The following FAM78B variants were observed in gnomAD, a reference collection of about 807,000 sequenced individuals.
FAM78B encodes family with sequence similarity 78 member B.
FAM78B carries 10 observed loss-of-function variants against 20.0 expected under a neutral mutation model. That is an observed-to-expected ratio of 0.50 (90% confidence interval 0.31 to 0.85). The LOEUF is 0.85. Ranked by LOEUF, FAM78B falls within the 40% of genes least tolerant of loss-of-function variation. FAM78B has a pLI of 0.05. For missense variants in FAM78B, 283 were observed against 345.0 expected (o/e 0.82, Z 1.42); for synonymous variants, 135 against 132.8 (o/e 1.02, Z -0.12).
At chr1:166,148,886 T>C (rs1336797911) in intron 1 of FAM78B, among the ~76,000 whole-genome samples, 18 of 152,250 alleles carry the variant, frequency 1.2e-4, no homozygotes, top group Admixed American at 6.5e-5. Flanking sequence ...TGAGTGAGAA[T>C]ATGCGGTGTT....
At chr1:166,144,598 C>T (rs868187414) in intron 1 of FAM78B, among the ~76,000 whole-genome samples, 1 of 151,920 alleles carries the variant, frequency 6.6e-6, no homozygotes, top group Non-Finnish European at 1.5e-5. Context: ...ACAGGGTGGG[C>T]GGAAAGGGGG....
At chr1:166,127,110 C>T (rs1185127540) in intron 1 of FAM78B, among the ~76,000 whole-genome samples, 1 of 152,238 alleles carries the variant, frequency 6.6e-6, no homozygotes, top group African/African-American at 2.4e-5. Flanking sequence ...TTCTGAATGT[C>T]AGTATCCTCA....
At chr1:166,101,166 G>A (rs1402873150) in intron 1 of FAM78B, among the ~76,000 whole-genome samples, 1 of 152,120 alleles carries the variant, frequency 6.6e-6, no homozygotes. Flanking sequence ...AAACAGAAAG[G>A]ACATCCACAC....
At chr1:166,149,245 T>TAAAC (rs66539851) in intron 1 of FAM78B, among the ~76,000 whole-genome samples, 8 of 151,650 alleles carry the variant, frequency 5.3e-5, no homozygotes, top group African/African-American at 1.7e-4. Context: ...AAAGTATAAT[T>TAAAC]AAACAAACAA....
chr1:166,165,075 T>C (rs915245157), intron 1 of FAM78B: 10 of 152,108 alleles, frequency 6.6e-5, no homozygotes, highest in African/African-American at 2.4e-4. Context: ...GCCGCGGCGA[T>C]CCTTGGTCTT....
At chr1:166,109,838 A>ATATATATATATATATG (rs1469856162) in intron 1 of FAM78B, among the ~76,000 whole-genome samples, 1 of 21,184 alleles carries the variant, frequency 4.7e-5, no homozygotes, top group Non-Finnish European at 9.2e-5. Context: ...ATATGTATAT[A>ATATATATATATATATG]TGTATATATA....
chr1:166,085,804 G>GGTCTGGAAACCAGGAAATCCAAA (rs769023228), intron 1 of FAM78B, among the ~76,000 whole-genome samples: 4 of 152,164 alleles, frequency 2.6e-5, no homozygotes, highest in South Asian at 2.1e-4. Flanking sequence ...TGGCCTCAGT[G>GGTCTGGAAACCAGGAAATCCAAA]GTCTGGAAAC....
chr1:166,160,673 T>C (rs867765398), intron 1 of FAM78B, among the ~76,000 whole-genome samples: 2 of 152,246 alleles, frequency 1.3e-5, no homozygotes, highest in African/African-American at 4.8e-5. Flanking sequence ...GAGACATTAT[T>C]TGTTGAAGAG....
chr1:166,158,190 T>TGG (rs1366300053), intron 1 of FAM78B, among the ~76,000 whole-genome samples: 1 of 152,078 alleles, frequency 6.6e-6, no homozygotes, highest in African/African-American at 2.4e-5. Context: ...TCAGGTGTGG[T>TGG]GGTACATGAC....
At chr1:166,146,936 C>T (rs1199547598) in intron 1 of FAM78B, among the ~76,000 whole-genome samples, 2 of 152,204 alleles carry the variant, frequency 1.3e-5, no homozygotes, top group Non-Finnish European at 2.9e-5. Flanking sequence ...TACGATCTCT[C>T]CTTGCAGGTC....
chr1:166,163,097 T>C (rs1210301436), intron 1 of FAM78B, among the ~76,000 whole-genome samples: 3 of 152,236 alleles, frequency 2.0e-5, no homozygotes, highest in African/African-American at 7.2e-5. Context: ...TGCTGCTGCC[T>C]GCACAGCAGA....
exon 3 of FAM78B, chr1:166,057,948 G>A (rs1441088836): frequency 6.9e-6 from 1 of 145,854 alleles, no homozygotes; most frequent in Non-Finnish European, 1.5e-5. Context: ...TCCCTGTTTT[G>A]TTTTTGTTTT....
chr1:166,089,153 CTGATCCATG>C, intron 1 of FAM78B, among the ~76,000 whole-genome samples: 1 of 152,326 alleles, frequency 6.6e-6, no homozygotes, highest in Non-Finnish European at 1.5e-5. Flanking sequence ...GATACCTCCC[CTGATCCATG>C]CACCACCTCC....
chr1:166,115,055 C>G (rs1654204084), intron 1 of FAM78B, among the ~76,000 whole-genome samples: 2 of 152,146 alleles, frequency 1.3e-5, no homozygotes, highest in Admixed American at 1.3e-4. Flanking sequence ...CAAGATGTGA[C>G]AGAAAACACC....
chr1:166,160,014 G>A (rs1656082145), intron 1 of FAM78B, among the ~76,000 whole-genome samples: 1 of 152,236 alleles, frequency 6.6e-6, no homozygotes, highest in African/African-American at 2.4e-5. Context: ...TGTTTCTGCT[G>A]AGAAGCAGTT....
At chr1:166,112,946 A>AAATC (rs1654113101) in intron 1 of FAM78B, among the ~76,000 whole-genome samples, 1 of 152,248 alleles carries the variant, frequency 6.6e-6, no homozygotes, top group Non-Finnish European at 1.5e-5. Flanking sequence ...TATTATTGGG[A>AAATC]AATCCACTTA....
chr1:166,102,940 T>C (rs539778083), intron 1 of FAM78B, among the ~76,000 whole-genome samples: 55 of 152,254 alleles, frequency 3.6e-4, no homozygotes, highest in African/African-American at 1.2e-3. Context: ...TATTCCAAAA[T>C]TGACCACATA....
chr1:166,163,499 T>C (rs1656239306), intron 1 of FAM78B, among the ~76,000 whole-genome samples: 1 of 152,244 alleles, frequency 6.6e-6, no homozygotes, highest in Admixed American at 6.5e-5. Flanking sequence ...CTTTTCAAAA[T>C]ATTGAAAAGG....
intron 1 of FAM78B, among the ~76,000 whole-genome samples, chr1:166,096,821 T>G (rs1263103312): frequency 6.6e-6 from 1 of 152,142 alleles, no homozygotes; most frequent in Non-Finnish European, 1.5e-5. Context: ...AAGAGTTGTC[T>G]TCAAAAGAAA....
Sources: allele counts gnomAD v4.1 joint callset (sites outside exome capture counted in the v4.1 genomes callset), GRCh38; gene constraint gnomAD v4.1.1; transcripts MANE v1.5; gene names NCBI Gene and HGNC (gene_info 2026-07-23, HGNC 2026-07-21).